The following LARS2 variants were observed in gnomAD, a reference collection of about 807,000 sequenced individuals.
The protein encoded by LARS2 is leucine--tRNA ligase, mitochondrial.
Under a neutral mutation model 116.6 loss-of-function variants are expected in LARS2, and 81 were observed. The ratio of observed to expected loss-of-function variants is 0.69; its 90% CI spans 0.58 to 0.84. The LOEUF (loss-of-function observed/expected upper bound fraction) is 0.84. LARS2 is among the 40% of genes least tolerant of loss of function. LARS2 has a pLI of 0.00. For missense variants in LARS2, 968 were observed against 1,114.5 expected (o/e 0.87, Z 1.87); for synonymous variants, 396 against 407.2 (o/e 0.97, Z 0.33).
At chr3:45,526,862 C>CA (rs904418714) in intron 20 of LARS2, among the ~76,000 whole-genome samples, 13 of 152,068 alleles carry the variant, frequency 8.5e-5, no homozygotes, top group African/African-American at 2.9e-4. Flanking sequence ...GAATTCTGAT[C>CA]AAAAAACCAA....
chr3:45,407,320 G>A (rs1371092466), intron 4 of LARS2, among the ~76,000 whole-genome samples: 3 of 152,198 alleles, frequency 2.0e-5, no homozygotes, highest in Non-Finnish European at 2.9e-5. Flanking sequence ...ATGGCATTTA[G>A]TTTTCAAATT....
At chr3:45,488,631 C>A (rs1215964674) in intron 11 of LARS2, 66 bp from the exon 12 acceptor site, 12 of 928,046 alleles carry the variant, frequency 1.3e-5, no homozygotes, top group Non-Finnish European at 2.1e-5. Flanking sequence ...GGTGTCAGTA[C>A]TGTCAGTTGT....
chr3:45,430,850 G>A (rs1698700529), intron 6 of LARS2, among the ~76,000 whole-genome samples: 1 of 152,026 alleles, frequency 6.6e-6, no homozygotes, highest in Non-Finnish European at 1.5e-5. Flanking sequence ...CTCCCAAAGT[G>A]CTGGGATTAT....
chr3:45,412,555 G>A (rs949044437), intron 4 of LARS2, among the ~76,000 whole-genome samples: 3 of 152,124 alleles, frequency 2.0e-5, no homozygotes, highest in African/African-American at 7.2e-5. Context: ...CTTGTATTAC[G>A]TTTGTAATTT....
rs746365858 is a variant in LARS2, at chr3:45,517,960, G to T, written c.2102G>T (p.Arg701Leu). ...CAACGACTGTGGACCTTGACAACTC[G>T]GTTTATTGAGGCCAGGGCTTCTGGG... is the stretch of plus-strand genomic sequence containing the variant. ...WQQRLWTLTT[R>L]FIEARASGKS... The change falls in exon 18 of 22, where the codon CGG (arginine) becomes CTG (leucine). Residue 701 changes from arginine (R) to leucine (L), a missense_variant. Physicochemically the swap from Arg to Leu is moderately radical, Grantham distance 102 (BLOSUM62 -2). Coordinates refer to ENST00000645846, the MANE Select transcript of LARS2 (RefSeq NM_015340.4). The T allele has an allele frequency of 6.2e-7, 1 of 1,614,064 alleles. No individual in the cohort carries two copies. Among genetic ancestry groups the T allele is most frequent in the South Asian group, 1.1e-5 (1 of 91,082 alleles).
chr3:45,458,900 T>C lies in LARS2; in HGVS notation c.750+14T>C, dbSNP rs200715597. The C allele has an allele frequency of 2.6e-4, 426 of 1,613,576 alleles. 5 individuals carry two copies. In the East Asian group the frequency reaches 9.3e-3, roughly 35 times the overall value. ...GCTTATGCAAAGGTGAGTGTCAGCC[T>C]GGAGGCTCCCCACTAATGCCTTACA... On this transcript the variant is annotated intron_variant, in intron 8 of 21. Transcript: ENST00000645846.
intron 1 of LARS2, among the ~76,000 whole-genome samples, chr3:45,391,007 C>T (rs1697937323): frequency 6.6e-6 from 1 of 152,120 alleles, no homozygotes; most frequent in Non-Finnish European, 1.5e-5. Context: ...GAGTAGAAAC[C>T]TTTTGTTTTT....
chr3:45,515,582 G>A (rs893507545), intron 16 of LARS2, among the ~76,000 whole-genome samples: 1 of 152,272 alleles, frequency 6.6e-6, no homozygotes, highest in East Asian at 1.9e-4. Flanking sequence ...TAGGGTGTGG[G>A]TGGCTGGCAC....
intron 4 of LARS2, among the ~76,000 whole-genome samples, chr3:45,407,903 C>T (rs985189251): frequency 6.6e-6 from 1 of 152,192 alleles, no homozygotes; most frequent in Non-Finnish European, 1.5e-5. Flanking sequence ...CTCAGTCTTA[C>T]TTCTTGTGTC....
chr3:45,412,468 G>A (rs1325338275), intron 4 of LARS2, among the ~76,000 whole-genome samples: 1 of 152,220 alleles, frequency 6.6e-6, no homozygotes, highest in Non-Finnish European at 1.5e-5. Context: ...CATCATTGAC[G>A]AGTAGTGACC....
chr3:45,514,025 G>A (rs1700333467), intron 16 of LARS2, among the ~76,000 whole-genome samples: 1 of 152,106 alleles, frequency 6.6e-6, no homozygotes, highest in African/African-American at 2.4e-5. Context: ...GGCCAACATG[G>A]TGAAACCCCG....
At chr3:45,460,357 A>G (rs1262207607) in intron 8 of LARS2, among the ~76,000 whole-genome samples, 1 of 152,206 alleles carries the variant, frequency 6.6e-6, no homozygotes, top group Admixed American at 6.5e-5. Flanking sequence ...GGTCCACTAC[A>G]TTACTGGGAA....
intron 8 of LARS2, among the ~76,000 whole-genome samples, chr3:45,460,301 TCTCTAACAC>T (rs2125711070): frequency 6.6e-6 from 1 of 152,302 alleles, no homozygotes; most frequent in Non-Finnish European, 1.5e-5. Context: ...GATGTTGCAT[TCTCTAACAC>T]CCCAAGCAGT....
chr3:45,485,874 C>T, intron 11 of LARS2, 78 bp downstream of exon 11: 1 of 778,506 alleles, frequency 1.3e-6, no homozygotes, highest in Non-Finnish European at 2.1e-6. Flanking sequence ...TTGCTGTCAT[C>T]TGGAAGAGCT....
intron 13 of LARS2, chr3:45,495,330 A>G (rs1453383498): frequency 1.3e-5 from 2 of 152,276 alleles, no homozygotes; most frequent in African/African-American, 2.4e-5. Context: ...CGTGATGTAC[A>G]TACTCCCATC....
intron 10 of LARS2, among the ~76,000 whole-genome samples, chr3:45,478,574 C>A (rs367676231): frequency 2.6e-5 from 4 of 152,306 alleles, no homozygotes; most frequent in East Asian, 3.9e-4. Context: ...TATCGACACA[C>A]CTGACCTGGC....
In LARS2 at chr3:45,505,493, C is replaced by G. The variant is rs140400624; in HGVS notation, c.1760+4914C>G. Among the ~76,000 whole-genome samples, 978 of 151,308 alleles carry G rather than the reference C, an allele frequency of 6.5e-3. 57 individuals carry two copies. The highest frequency in any genetic ancestry group is 0.058 in the Admixed American group (880 of 15,154). ...TTTAGGCCATGAGTTTGAGACCAGC[C>G]TAGGCAACGTAGTGAGACTCCATCT... is the stretch of plus-strand genomic sequence containing the variant. On this transcript the variant is annotated intron_variant, in intron 15 of 21. Transcript: ENST00000645846.
At chr3:45,452,317 A>G (rs1365655684) in intron 7 of LARS2, among the ~76,000 whole-genome samples, 2 of 151,856 alleles carry the variant, frequency 1.3e-5, no homozygotes, top group Admixed American at 6.6e-5. Context: ...GGTATTAGCT[A>G]TAGGCTTGTC....
At chr3:45,405,815 C>G (rs1042169161) in intron 4 of LARS2, among the ~76,000 whole-genome samples, 1 of 152,204 alleles carries the variant, frequency 6.6e-6, no homozygotes, top group Non-Finnish European at 1.5e-5. Flanking sequence ...GTAGTCAGGA[C>G]CTCGATGATG....
Sources: allele counts gnomAD v4.1 joint callset (sites outside exome capture counted in the v4.1 genomes callset), GRCh38; gene constraint gnomAD v4.1.1; transcripts MANE v1.5; gene names NCBI Gene and HGNC (gene_info 2026-07-23, HGNC 2026-07-21).